Variants in HK1 observed in about 807,000 individuals in gnomAD.
The protein encoded by HK1 is hexokinase-1.
HK1 carries 28 observed loss-of-function variants against 91.6 expected under a neutral mutation model. The observed-to-expected ratio is 0.31, with a 90% CI of 0.23 to 0.42. The LOEUF is 0.42. Among genes scored for constraint, HK1 ranks in the 10% least tolerant of loss-of-function variants. HK1 has a pLI of 1.00. For missense variants in HK1, 770 were observed against 1,219.8 expected (o/e 0.63, Z 5.49); for synonymous variants, 430 against 468.1 (o/e 0.92, Z 1.05).
intron 1 of HK1, among the ~76,000 whole-genome samples, chr10:69,334,235 G>A (rs866087719): frequency 6.6e-6 from 1 of 152,174 alleles, no homozygotes; most frequent in Non-Finnish European, 1.5e-5. Context: ...AGAAGAGACC[G>A]GGCAAGGCTG....
intron 2 of HK1, among the ~76,000 whole-genome samples, chr10:69,288,068 T>C (rs1197578031): frequency 2.0e-5 from 3 of 152,114 alleles, no homozygotes; most frequent in African/African-American, 7.2e-5. Context: ...GGATTGCTTG[T>C]GTCCAAGAGT....
At chr10:69,344,092 A>G (rs866524051) in intron 2 of HK1, 103 bp downstream of exon 2, 29 of 1,197,294 alleles carry the variant, frequency 2.4e-5, no homozygotes, top group African/African-American at 4.5e-5. Flanking sequence ...TTCATTCACC[A>G]TTCCATCAAT....
intron 1 of HK1, among the ~76,000 whole-genome samples, chr10:69,336,213 T>C (rs1048991420): frequency 2.0e-5 from 3 of 152,156 alleles, no homozygotes; most frequent in East Asian, 3.8e-4. Context: ...TTTTTTGAGA[T>C]GGAGTTTCGC....
intron 2 of HK1, among the ~76,000 whole-genome samples, chr10:69,348,035 G>A (rs906581768): frequency 5.9e-5 from 9 of 152,060 alleles, no homozygotes. Flanking sequence ...CCCCATTCGC[G>A]AAGTGTCCCT....
At chr10:69,392,566 G>A (rs1375453935) in intron 15 of HK1, among the ~76,000 whole-genome samples, 1 of 152,146 alleles carries the variant, frequency 6.6e-6, no homozygotes, top group Non-Finnish European at 1.5e-5. Flanking sequence ...TAGCCTGGAG[G>A]ATTCTGGCCT....
chr10:69,372,208 G>T (rs1419261926), intron 7 of HK1, among the ~76,000 whole-genome samples: 2 of 152,176 alleles, frequency 1.3e-5, no homozygotes, highest in Non-Finnish European at 2.9e-5. Context: ...TCTCCCACTG[G>T]GTCCCTCCCA....
Position 69,354,962 on chromosome 10 carries a change from G to A in HK1, c.227-4935G>A, listed in dbSNP as rs190929882. Among the ~76,000 whole-genome samples, 96 of 151,424 alleles carry A rather than the reference G, an allele frequency of 6.3e-4. 2 individuals carry two copies. The East Asian group carries it at 0.015, about 24-fold the overall frequency. The stretch of plus-strand genomic sequence containing the variant: ...TGGACACCTGTAATCCTAGGTACTC[G>A]GGAGGCTGAGGCAGGAGAATCACTT... On this transcript the variant is annotated intron_variant, in intron 2 of 17. Coordinates refer to ENST00000359426, the MANE Select transcript of HK1 (RefSeq NM_000188.3).
intron 1 of HK1, among the ~76,000 whole-genome samples, chr10:69,335,453 T>C (rs1320680755): frequency 6.6e-6 from 1 of 152,204 alleles, no homozygotes; most frequent in Non-Finnish European, 1.5e-5. Context: ...TGGCTGGAGC[T>C]GTGGCGGTGA....
rs372212480 is a variant in HK1, at chr10:69,398,756, G to A, written c.2537G>A (p.Arg846His). The change falls in exon 17 of 18, where the codon CGC becomes CAC. Residue 846 changes from arginine to histidine, a missense_variant. By Grantham distance (29) the Arg-to-His change is conservative. Around this residue, in one of 7 missense-constraint regions of HK1, gnomAD observed 78 missense variants for 99.0 expected, o/e 0.79. Coordinates refer to ENST00000359426, the MANE Select transcript of HK1 (RefSeq NM_000188.3). The part of the protein sequence containing the change: ...AGMAAVVDKI[R>H]ENRGLDRLNV... ...ATGGCTGCGGTTGTGGATAAGATCC[G>A]CGAGAACAGAGGACTGGACCGTCTG... 2.2e-5 allele frequency: 35 copies of A among 1,614,240 alleles called. No homozygotes were observed. Among genetic ancestry groups the A allele is most frequent in the Middle Eastern group, 1.6e-4 (1 of 6,062 alleles).
intron 9 of HK1, 27 bp from the exon 10 acceptor site, chr10:69,382,460 G>T: frequency 6.2e-7 from 1 of 1,613,094 alleles, no homozygotes; most frequent in Non-Finnish European, 8.5e-7. Flanking sequence ...TCCAGCTGTT[G>T]TGGAATGTCC....
intron 12 of HK1, 135 bp from the exon 13 acceptor site, chr10:69,386,188 C>T (rs1457623391): frequency 4.1e-6 from 3 of 722,988 alleles, no homozygotes; most frequent in African/African-American, 3.5e-5. Context: ...ATTGGTTTGT[C>T]CTCAGATGTT....
chr10:69,319,786 T>C (rs1846899986), intron 1 of HK1, among the ~76,000 whole-genome samples: 1 of 152,198 alleles, frequency 6.6e-6, no homozygotes, highest in Non-Finnish European at 1.5e-5. Context: ...TTTGACATCT[T>C]AGTGTAAAAT....
chr10:69,290,692 G>A (rs886857952), intron 3 of HK1, among the ~76,000 whole-genome samples: 1 of 152,122 alleles, frequency 6.6e-6, no homozygotes, highest in Non-Finnish European at 1.5e-5. Flanking sequence ...TAGAGACGGG[G>A]TTTCGCCAAG....
chr10:69,362,095 TA>T (rs1320430583), intron 3 of HK1, among the ~76,000 whole-genome samples: 1 of 152,238 alleles, frequency 6.6e-6, no homozygotes, highest in African/African-American at 2.4e-5. Context: ...TAAGCTTTAA[TA>T]AATTCAGAAG....
chr10:69,292,685 A>C lies in HK1; in HGVS notation c.-114-2948A>C, dbSNP rs140591139. On this transcript the variant is annotated intron_variant, in intron 3 of 21. Coordinates refer to the HK1 transcript ENST00000360289. ...GGCACTTTACAGGTTGTTATTACAG[A>C]TAAAGGGCTGAGGAGGGCCTCAGTA... Among the ~76,000 whole-genome samples the C allele has an allele frequency of 5.2e-4, 79 of 152,268 alleles. 1 individual carries two copies. Among genetic ancestry groups the C allele is most frequent in the African/African-American group, 1.8e-3 (75 of 41,562 alleles).
chr10:69,383,913 G>A (rs915920369), intron 10 of HK1, among the ~76,000 whole-genome samples: 1 of 152,272 alleles, frequency 6.6e-6, no homozygotes, highest in Non-Finnish European at 1.5e-5. Context: ...CTAGATCCCA[G>A]GGGAGGAGAA....
chr10:69,385,007 G>A, intron 12 of HK1, 92 bp downstream of exon 12: 1 of 1,383,836 alleles, frequency 7.2e-7, no homozygotes, highest in Non-Finnish European at 1.0e-6. Flanking sequence ...TCCAGCCTCA[G>A]TGTCATTCCT....
intron 1 of HK1, among the ~76,000 whole-genome samples, chr10:69,270,713 G>A (rs568025982): frequency 1.3e-5 from 2 of 152,272 alleles, no homozygotes; most frequent in East Asian, 3.9e-4. Flanking sequence ...TTTTCCCCAT[G>A]TTGCTGCCTT....
At chr10:69,288,709 G>T (rs1258736982) in exon 3 of HK1, 2 of 1,611,248 alleles carry the variant, frequency 1.2e-6, no homozygotes, top group Admixed American at 3.3e-5. Flanking sequence ...AAAAGCAGAA[G>T]AAAGGACCCG....
Sources: gnomAD v4.1 joint callset for allele counts (sites outside exome capture counted in the v4.1 genomes callset) on GRCh38, gnomAD v4.1.1 for gene constraint, gnomAD v4.1.1 regional missense constraint, MANE v1.5 for transcripts, NCBI Gene and HGNC (gene_info 2026-07-23, HGNC 2026-07-21) for gene names.